The following PHACTR2 variants were observed in gnomAD, a reference collection of about 807,000 sequenced individuals.
PHACTR2 encodes the protein phosphatase and actin regulator 2, also known as chromosome 6 open reading frame 56.
A neutral mutation model predicts 76.0 loss-of-function variants in PHACTR2; 30 were observed. The observed-to-expected ratio is 0.39, with a 90% CI of 0.30 to 0.54. PHACTR2 has a LOEUF of 0.54. Ranked by LOEUF, PHACTR2 falls within the 20% of genes least tolerant of loss-of-function variation. PHACTR2 has a pLI of 0.61. For missense variants in PHACTR2, 696 were observed against 781.1 expected (o/e 0.89, Z 1.30); for synonymous variants, 292 against 292.5 (o/e 1.00, Z 0.02).
Position 143,546,424 on chromosome 6 carries a change from A to G in PHACTR2, c.217+9217A>G, listed in dbSNP as rs1774997065. On this transcript the variant is annotated intron_variant, in intron 1 of 11. Coordinates refer to the PHACTR2 transcript ENST00000367584. The surrounding 1 kb of genome is among the most constrained non-coding windows in gnomAD (Gnocchi z 4.9). ...ACTGTGGCTAGGGCAAGAATGTCAG[A>G]GGTACAATGCTTTGATTTTGGGTCC... is the stretch of plus-strand genomic sequence containing the variant. Among the ~76,000 whole-genome samples the G allele has an allele frequency of 6.6e-6, 1 of 151,972 alleles. No homozygotes were observed. Among genetic ancestry groups the G allele is most frequent in the African/African-American group, 2.4e-5 (1 of 41,394 alleles).
chr6:143,798,383 C>A (rs1397368933), intron 11 of PHACTR2, among the ~76,000 whole-genome samples: 1 of 152,068 alleles, frequency 6.6e-6, no homozygotes, highest in East Asian at 1.9e-4. Context: ...ATTTGAATAC[C>A]TTTTATTGCT....
In PHACTR2 at chr6:143,648,090, G is replaced by C. The variant is rs182538939; in HGVS notation, c.13+39768G>C. 3.9e-5 allele frequency among the ~76,000 whole-genome samples: 6 copies of C among 152,144 alleles called. No individual in the cohort carries two copies. Among genetic ancestry groups the C allele is most frequent in the African/African-American group, 1.2e-4 (5 of 41,446 alleles). On this transcript the variant is annotated intron_variant, in intron 1 of 11. Transcript: ENST00000305766. This position sits in a 1 kb window ranked among gnomAD's most constrained non-coding sequence, Gnocchi z 6.7. ...TGGGAACTGGTGGGTGATGACATTT[G>C]GGGTCTGTTTTGAGAATTCAGGGGA...
rs1418871608 is a variant in PHACTR2, at chr6:143,826,957, T to C, written c.*3268T>C. 1 of 151,596 alleles carries C rather than the reference T, an allele frequency of 6.6e-6. No individual in the cohort carries two copies. The highest frequency in any genetic ancestry group is 2.4e-5 in the African/African-American group (1 of 41,274). 9.4% of individuals were successfully genotyped at this position (151,596 alleles called of 1,614,324 possible). A position where few individuals can be genotyped will look rare whatever the true frequency, so the allele number is the denominator to read the frequency against. ...AGAGTAGTCCTTTATCTTTCTCTAA[T>C]GTTAGTAAATATATTCTGTTAGTAG... On this transcript the variant is annotated 3_prime_UTR_variant, in exon 13 of 13. Coordinates refer to ENST00000440869, the MANE Select transcript of PHACTR2 (RefSeq NM_001100164.2).
In PHACTR2 at chr6:143,541,908, A is replaced by G. The variant is rs1176388122; in HGVS notation, c.217+4701A>G. Among the ~76,000 whole-genome samples the G allele has an allele frequency of 1.3e-4, 20 of 152,298 alleles. No individual in the cohort carries two copies. Among genetic ancestry groups the G allele is most frequent in the East Asian group, 5.8e-4 (3 of 5,178 alleles). On this transcript the variant is annotated intron_variant, in intron 1 of 11. Transcript: ENST00000367584. This position sits in a 1 kb window ranked among gnomAD's most constrained non-coding sequence, Gnocchi z 5.3. ...CTTTGAGTTGATGCTTTGTGCTCCG[A>G]AAGGGTGTCTGGGTCCCAAGAGGCT...
At position 143,599,672 on chromosome 6, in the gene PHACTR2, AG is replaced by A. The variant is rs1320886877; in HGVS notation, c.217+62468del. On this transcript the variant is annotated intron_variant, in intron 1 of 11. Coordinates refer to the PHACTR2 transcript ENST00000367584. The surrounding 1 kb of genome is among the most constrained non-coding windows in gnomAD (Gnocchi z 4.6). ...ACGGAGGAAATTTTTTGAGTTGCAA[AG>A]GGTGCTTCCCTTGCTAGCCTATAAG... 6.6e-6 allele frequency among the ~76,000 whole-genome samples: 1 copy of A among 152,216 alleles called. No homozygotes were observed. Among genetic ancestry groups the A allele is most frequent in the African/African-American group, 2.4e-5 (1 of 41,448 alleles).
rs199696240 is a variant in PHACTR2, at chr6:143,624,110, G to T, written c.13+15788G>T. 5.1e-4 allele frequency among the ~76,000 whole-genome samples: 64 copies of T among 125,014 alleles called. 1 individual carries two copies. Among genetic ancestry groups the T allele is most frequent in the Non-Finnish European group, 8.7e-4 (50 of 57,340 alleles). The allele number at this position is 125,014 out of a possible 152,430, so 82.0% of individuals were successfully genotyped here. ...GTTAATTTTTTTTGTTGTTTTTTTT[G>T]TTTGTTTGTTTGTTTTTAGACAGTA... On this transcript the variant is annotated intron_variant, in intron 1 of 11. Transcript: ENST00000305766. This position sits in a 1 kb window ranked among gnomAD's most constrained non-coding sequence, Gnocchi z 4.6.
intron 1 of PHACTR2, among the ~76,000 whole-genome samples, chr6:143,649,657 G>T (rs774222995): frequency 1.3e-5 from 2 of 152,118 alleles, no homozygotes; most frequent in Non-Finnish European, 2.9e-5. Context: ...CTTCATGTTA[G>T]AAACTCTTAA....
rs1366789562 is a variant in PHACTR2 at position 143,551,076 on chromosome 6, A to G, written c.217+13869A>G. Among the ~76,000 whole-genome samples, 5 of 151,866 alleles carry G rather than the reference A, an allele frequency of 3.3e-5. No individual in the cohort carries two copies. In the South Asian group the frequency reaches 6.2e-4, roughly 19 times the overall value. Reference sequence around the variant, plus strand: ...AAGACAACAAAAAAAAACCCCAAAGACTAACACATTTTATTCACAGAAAAC... The same window carrying G: ...AAGACAACAAAAAAAAACCCCAAAGGCTAACACATTTTATTCACAGAAAAC... On this transcript the variant is annotated intron_variant, in intron 1 of 11. Coordinates refer to the PHACTR2 transcript ENST00000367584.
In PHACTR2 at chr6:143,608,226, A is replaced by C. The variant is rs904010056; in HGVS notation, c.-84A>C. The C allele has an allele frequency of 1.4e-6, 2 of 1,409,872 alleles. No homozygotes were observed. The highest frequency in any genetic ancestry group is 4.6e-5 in the East Asian group (2 of 43,834). 87.3% of individuals were successfully genotyped at this position (1,409,872 alleles called of 1,614,324 possible). A position where few individuals can be genotyped will look rare whatever the true frequency, so the allele number is the denominator to read the frequency against. On this transcript the variant is annotated 5_prime_UTR_variant, in exon 1 of 12. Transcript: ENST00000305766. The surrounding 1 kb of genome is among the most constrained non-coding windows in gnomAD (Gnocchi z 4.6). ...GTGCCAGCAAGGGCTGATAATCAGC[A>C]GAAGGACAGGGTGCTTCGTTAGTCA...
At position 143,772,276 on chromosome 6, in the gene PHACTR2, G is replaced by T. The variant is rs1357044385; in HGVS notation, c.1251G>T (p.Glu417Asp). Residue 417 changes from glutamate to aspartate, a missense_variant, in exon 7 of 13, where the codon GAG (glutamate) becomes GAT (aspartate). Physicochemically the swap from Glu to Asp is conservative, Grantham distance 45. Coordinates refer to ENST00000440869, the MANE Select transcript of PHACTR2 (RefSeq NM_001100164.2). This position sits in a 1 kb window ranked among gnomAD's most constrained non-coding sequence, Gnocchi z 5.4. ...ENAKCFTTKE[E>D]LGKTVPQLLT... Reference sequence around the variant, plus strand: ...TTAACAGTTTCACAACCAAAGAGGAGCTGGGGAAGACAGTGCCTCAGCTAC... The same window carrying T: ...TTAACAGTTTCACAACCAAAGAGGATCTGGGGAAGACAGTGCCTCAGCTAC... 1 of 1,613,558 alleles carries T rather than the reference G, an allele frequency of 6.2e-7. No homozygotes were observed. The highest frequency in any genetic ancestry group is 8.5e-7 in the Non-Finnish European group (1 of 1,179,654).
In PHACTR2 at chr6:143,653,096, A is replaced by G. The variant is rs1399673033; in HGVS notation, c.13+44774A>G. On this transcript the variant is annotated intron_variant, in intron 1 of 11. Coordinates refer to the PHACTR2 transcript ENST00000305766. This position sits in a 1 kb window ranked among gnomAD's most constrained non-coding sequence, Gnocchi z 4.9. The stretch of plus-strand genomic sequence containing the variant: ...GTGATGGTTGCCTCACTGCCAGAGC[A>G]TTTGTTCTGGATGCCTCTGTCCCCA... Among the ~76,000 whole-genome samples, 1 of 152,176 alleles carries G rather than the reference A, an allele frequency of 6.6e-6. No homozygotes were observed. Among genetic ancestry groups the G allele is most frequent in the East Asian group, 1.9e-4 (1 of 5,194 alleles).
Position 143,783,025 on chromosome 6 carries a change from GTGTGTGTGTGTA to G in PHACTR2, c.1646-182_1646-171del, listed in dbSNP as rs1164883328. ...AAAGCATGTGTGTGTGTGTGTGTGT[GTGTGTGTGTGTA>G]TGTGTGTGTGTGTGTAAGATGATCA... On this transcript the variant is annotated intron_variant, in intron 9 of 12. Transcript: ENST00000440869. This position sits in a 1 kb window ranked among gnomAD's most constrained non-coding sequence, Gnocchi z 5.2. 4.0e-5 allele frequency among the ~76,000 whole-genome samples: 6 copies of G among 151,522 alleles called. No homozygotes were observed. The highest frequency in any genetic ancestry group is 5.9e-5 in the Non-Finnish European group (4 of 67,836).
rs115012489 is a variant in PHACTR2 at position 143,614,822 on chromosome 6, G to A, written c.13+6500G>A. Among the ~76,000 whole-genome samples, 376 of 152,284 alleles carry A rather than the reference G, an allele frequency of 2.5e-3. 3 individuals carry two copies. The highest frequency in any genetic ancestry group is 8.7e-3 in the African/African-American group (360 of 41,570). ...GGAGCTAGGCCTTGAACCTGCTTTG[G>A]AAAGGAGTGGAATTCAATGACATCT... On this transcript the variant is annotated intron_variant, in intron 1 of 11. Transcript: ENST00000305766.
Position 143,780,876 on chromosome 6 carries a change from C to T in PHACTR2, c.1646-2343C>T, listed in dbSNP as rs1775412678. On this transcript the variant is annotated intron_variant, in intron 9 of 12. Transcript: ENST00000440869. The surrounding 1 kb of genome is among the most constrained non-coding windows in gnomAD (Gnocchi z 4.4). ...TGCATCCTACTTTATAATTAGTCCT[C>T]TAGTGAATCAAAAAATGAAGGAAGC... Among the ~76,000 whole-genome samples the T allele has an allele frequency of 6.6e-6, 1 of 152,078 alleles. No homozygotes were observed. Among genetic ancestry groups the T allele is most frequent in the Non-Finnish European group, 1.5e-5 (1 of 68,030 alleles).
At position 143,829,260 on chromosome 6, in the gene PHACTR2, C is replaced by T. The variant is rs2128489190; in HGVS notation, c.*5571C>T. 1 of 124,640 alleles carries T rather than the reference C, an allele frequency of 8.0e-6. No individual in the cohort carries two copies. The highest frequency in any genetic ancestry group is 2.8e-4 in the South Asian group (1 of 3,592). The allele number at this position is 124,640 out of a possible 1,614,324, so 7.7% of individuals were successfully genotyped here. A position where few individuals can be genotyped will look rare whatever the true frequency, so the allele number is the denominator to read the frequency against. On this transcript the variant is annotated 3_prime_UTR_variant, in exon 13 of 13. Transcript: ENST00000440869. ...ACATTATTGGTCATAATCCTTGTTACTGTCATGAGGATTGTTGCATGGGTT... is the reference window on the plus strand; with the variant it reads ...ACATTATTGGTCATAATCCTTGTTATTGTCATGAGGATTGTTGCATGGGTT...
Position 143,823,943 on chromosome 6 carries a change from T to A in PHACTR2, c.*254T>A. ...GCGATGGTAAGAGACACCGTGGATA[T>A]TCTTCATCAGAAGCTTTAATCAAAG... On this transcript the variant is annotated 3_prime_UTR_variant, in exon 13 of 13. Coordinates refer to ENST00000440869, the MANE Select transcript of PHACTR2 (RefSeq NM_001100164.2). This position sits in a 1 kb window ranked among gnomAD's most constrained non-coding sequence, Gnocchi z 5.7. The A allele has an allele frequency of 2.7e-6, 1 of 364,102 alleles. No homozygotes were observed. The highest frequency in any genetic ancestry group is 5.0e-6 in the Non-Finnish European group (1 of 201,200). The allele number at this position is 364,102 out of a possible 1,614,324, so 22.6% of individuals were successfully genotyped here.
At chr6:143,802,465 C>A (rs1301456565) in intron 11 of PHACTR2, among the ~76,000 whole-genome samples, 3 of 149,202 alleles carry the variant, frequency 2.0e-5, no homozygotes, top group Admixed American at 6.9e-5. Flanking sequence ...CACAGCAAAA[C>A]CTCATCTCCA....
At position 143,684,609 on chromosome 6, in the gene PHACTR2, C is replaced by A. The variant is rs1489942382; in HGVS notation, c.46+6400C>A. On this transcript the variant is annotated intron_variant, in intron 1 of 12. Transcript: ENST00000440869. The surrounding 1 kb of genome is among the most constrained non-coding windows in gnomAD (Gnocchi z 4.3). ...CTCAAAGAGGCTTTCTCAGTGTTAT[C>A]TGCTTATTATATGAGAATTTCTGTT... 6.6e-6 allele frequency among the ~76,000 whole-genome samples: 1 copy of A among 152,154 alleles called. No homozygotes were observed. The highest frequency in any genetic ancestry group is 1.9e-4 in the East Asian group (1 of 5,198).
rs1376306401 is a variant in PHACTR2, at chr6:143,772,177, A to G, written c.1233-81A>G. The G allele has an allele frequency of 7.6e-6, 7 of 918,730 alleles. No individual in the cohort carries two copies. The highest frequency in any genetic ancestry group is 1.6e-5 in the African/African-American group (1 of 61,354). The allele number at this position is 918,730 out of a possible 1,614,324, so 56.9% of individuals were successfully genotyped here. On this transcript the variant is annotated intron_variant, in intron 6 of 12. Transcript: ENST00000440869. This position sits in a 1 kb window ranked among gnomAD's most constrained non-coding sequence, Gnocchi z 5.4. ...CAGCCTGAAGGAAGCCCATGAAACT[A>G]GAGCTCTTTTTCTTAGTGTCAGTGC... is the stretch of plus-strand genomic sequence containing the variant.
Sources: gnomAD v4.1 joint callset for allele counts (sites outside exome capture counted in the v4.1 genomes callset) on GRCh38, gnomAD v4.1.1 for gene constraint, Gnocchi (gnomAD v3.1) non-coding constraint, MANE v1.5 for transcripts, NCBI Gene and HGNC (gene_info 2026-07-23, HGNC 2026-07-21) for gene names.